The following EPHA6 variants were observed in gnomAD, a reference collection of about 807,000 sequenced individuals.
EPHA6 encodes the protein EPH receptor A6, also known as ephrin type-A receptor 6.
In EPHA6, 50 loss-of-function variants were observed where a neutral mutation model predicts 112.0. The ratio of observed to expected loss-of-function variants is 0.45; its 90% CI spans 0.36 to 0.56. The LOEUF (loss-of-function observed/expected upper bound fraction) is 0.56, where lower values mean the gene tolerates loss of function less well. Among genes scored for constraint, EPHA6 ranks in the 20% least tolerant of loss-of-function variants. The probability of loss-of-function intolerance (pLI) is 0.00; values close to 1 mark genes in which losing one functional copy is unlikely to be tolerated. For missense variants in EPHA6, 1,280 were observed against 1,417.4 expected (o/e 0.90, Z 1.56); for synonymous variants, 529 against 490.7 (o/e 1.08, Z -1.03).
rs761743970 is a variant in EPHA6, at chr3:97,243,896, C to T, written c.1271-56C>T. 31 of 1,293,878 alleles carry T rather than the reference C, an allele frequency of 2.4e-5. No homozygotes were observed. In the Middle Eastern group the frequency reaches 1.2e-3, roughly 48 times the overall value. The allele number at this position is 1,293,878 out of a possible 1,614,324, so 80.1% of individuals were successfully genotyped here. On this transcript the variant is annotated intron_variant, in intron 4 of 17. Transcript: ENST00000389672. ...TTTATTGATGAAGTTTTCATTTTAG[C>T]GCCATAATTCATTGTCCTATATATG...
intron 14 of EPHA6, among the ~76,000 whole-genome samples, chr3:97,647,067 T>C (rs1221363832): frequency 2.0e-5 from 3 of 152,120 alleles, no homozygotes; most frequent in African/African-American, 4.8e-5. Context: ...AGCTATTCAA[T>C]TTCCTAGGAG....
chr3:97,237,858 G>A (rs964246614), intron 4 of EPHA6, among the ~76,000 whole-genome samples: 3 of 151,872 alleles, frequency 2.0e-5, no homozygotes, highest in Middle Eastern at 6.8e-3. Context: ...AGGGAAACTG[G>A]ATAATGTTTA....
intron 2 of EPHA6, among the ~76,000 whole-genome samples, chr3:96,908,795 T>G (rs532120534): frequency 6.6e-6 from 1 of 152,072 alleles, no homozygotes; most frequent in East Asian, 1.9e-4. Context: ...TTCCTATTAG[T>G]GTAAACTGTT....
At chr3:97,227,816 G>A (rs2078405217) in intron 4 of EPHA6, among the ~76,000 whole-genome samples, 1 of 152,190 alleles carries the variant, frequency 6.6e-6, no homozygotes, top group African/African-American at 2.4e-5. Flanking sequence ...ATGTCAAAAG[G>A]TGAAGCAGAG....
chr3:97,531,338 T>G (rs1443694232), intron 10 of EPHA6, among the ~76,000 whole-genome samples: 1 of 152,034 alleles, frequency 6.6e-6, no homozygotes, highest in African/African-American at 2.4e-5. Flanking sequence ...ACCCATTACC[T>G]TTTATCCACA....
At chr3:97,283,097 AC>A (rs1267437538) in intron 5 of EPHA6, among the ~76,000 whole-genome samples, 1 of 152,224 alleles carries the variant, frequency 6.6e-6, no homozygotes, top group African/African-American at 2.4e-5. Flanking sequence ...ATTGTAATAA[AC>A]TAAGATATAC....
intron 11 of EPHA6, among the ~76,000 whole-genome samples, chr3:97,579,747 A>C (rs1575954244): frequency 6.6e-6 from 1 of 152,216 alleles, no homozygotes; most frequent in African/African-American, 2.4e-5. Flanking sequence ...AAAGAGCATC[A>C]CTATCCTCTA....
At chr3:97,278,528 C>A (rs528985150) in intron 5 of EPHA6, among the ~76,000 whole-genome samples, 2 of 152,218 alleles carry the variant, frequency 1.3e-5, no homozygotes, top group African/African-American at 4.8e-5. Flanking sequence ...ACCAAACTGT[C>A]AAGCAAAAAA....
rs542569294 is a variant in EPHA6 at position 97,355,521 on chromosome 3, A to G, written c.1607-49629A>G. Reference sequence around the variant, plus strand: ...TCATGATAACCCCAAGTCAAAAAACATACAACAGACAAAAAAATAAAAAGC... The same window carrying G: ...TCATGATAACCCCAAGTCAAAAAACGTACAACAGACAAAAAAATAAAAAGC... On this transcript the variant is annotated intron_variant, in intron 5 of 17. Transcript: ENST00000389672. Among the ~76,000 whole-genome samples, 10 of 152,294 alleles carry G rather than the reference A, an allele frequency of 6.6e-5. No homozygotes were observed. In the East Asian group the frequency reaches 1.9e-3, roughly 29 times the overall value.
chr3:97,279,153 T>A (rs188794400), intron 5 of EPHA6, among the ~76,000 whole-genome samples: 1 of 152,150 alleles, frequency 6.6e-6, no homozygotes, highest in Non-Finnish European at 1.5e-5. Flanking sequence ...TTACTAAGTA[T>A]GAAAAGGGCC....
rs367602416 is a variant in EPHA6 at position 97,289,428 on chromosome 3, A to G, written c.1606+45141A>G. Among the ~76,000 whole-genome samples the G allele has an allele frequency of 3.9e-5, 6 of 152,122 alleles. No homozygotes were observed. In the East Asian group the frequency reaches 7.7e-4, roughly 20 times the overall value. ...TATTAGGGGTTCTGTATTCTGTTCC[A>G]TTGGTCTTTGTGTCTGTTTTTGTAC... On this transcript the variant is annotated intron_variant, in intron 5 of 17. Coordinates refer to ENST00000389672, the MANE Select transcript of EPHA6 (RefSeq NM_001080448.3).
intron 11 of EPHA6, among the ~76,000 whole-genome samples, chr3:97,551,631 T>G (rs1430053426): frequency 6.6e-6 from 1 of 152,176 alleles, no homozygotes; most frequent in Admixed American, 6.6e-5. Context: ...TTGTGTTTAG[T>G]ATGGCTCTCC....
chr3:96,846,617 G>T (rs2035088166), intron 1 of EPHA6, among the ~76,000 whole-genome samples: 1 of 152,016 alleles, frequency 6.6e-6, no homozygotes, highest in South Asian at 2.1e-4. Flanking sequence ...ATGCGCAATA[G>T]CTTTTTTAAT....
chr3:97,005,111 C>T (rs990374539), intron 3 of EPHA6, among the ~76,000 whole-genome samples: 2 of 152,132 alleles, frequency 1.3e-5, no homozygotes, highest in African/African-American at 2.4e-5. Flanking sequence ...TCTTTGATTC[C>T]ATATGAAATT....
rs141714314 is a variant in EPHA6, at chr3:97,033,980, A to G, written c.1114+45987A>G. ...ACAATAACAAAACCTCAGACTTTGGATTTGAAAGGGTTTACCTTAGTAGTC... is the reference window on the plus strand; with the variant it reads ...ACAATAACAAAACCTCAGACTTTGGGTTTGAAAGGGTTTACCTTAGTAGTC... On this transcript the variant is annotated intron_variant, in intron 3 of 17. Coordinates refer to ENST00000389672, the MANE Select transcript of EPHA6 (RefSeq NM_001080448.3). 1.2e-3 allele frequency among the ~76,000 whole-genome samples: 183 copies of G among 151,996 alleles called. 1 individual carries two copies. The highest frequency in any genetic ancestry group is 4.2e-3 in the African/African-American group (174 of 41,532).
intron 5 of EPHA6, among the ~76,000 whole-genome samples, chr3:97,332,437 G>T (rs1337109601): frequency 2.0e-5 from 3 of 151,980 alleles, no homozygotes; most frequent in Non-Finnish European, 4.4e-5. Flanking sequence ...GAAATAAAGG[G>T]TATTCAATTA....
At position 97,246,238 on chromosome 3, in the gene EPHA6, A is replaced by G. The variant is rs2078983186; in HGVS notation, c.1606+1951A>G. On this transcript the variant is annotated intron_variant, in intron 5 of 17. Transcript: ENST00000389672. ...TCAACCTTATCAAAAAATACAATCT[A>G]GTACAACGATTTTTAGCTACAGGGA... is the stretch of plus-strand genomic sequence containing the variant. Among the ~76,000 whole-genome samples, 5 of 152,086 alleles carry G rather than the reference A, an allele frequency of 3.3e-5. No homozygotes were observed. The South Asian group carries it at 1.0e-3, about 31-fold the overall frequency.
At chr3:96,975,532 G>C (rs1459205640) in intron 2 of EPHA6, among the ~76,000 whole-genome samples, 1 of 152,098 alleles carries the variant, frequency 6.6e-6, no homozygotes, top group African/African-American at 2.4e-5. Flanking sequence ...GACCAATGAA[G>C]ACCAAATGAG....
At chr3:97,585,451 A>G (rs1160275507) in intron 11 of EPHA6, among the ~76,000 whole-genome samples, 1 of 152,204 alleles carries the variant, frequency 6.6e-6, no homozygotes, top group Non-Finnish European at 1.5e-5. Flanking sequence ...AAAATAACTC[A>G]GGGAAAAAAT....
Sources: allele counts gnomAD v4.1 joint callset (sites outside exome capture counted in the v4.1 genomes callset), GRCh38; gene constraint gnomAD v4.1.1; transcripts MANE v1.5; gene names NCBI Gene and HGNC (gene_info 2026-07-23, HGNC 2026-07-21).